The following ADGRG2 variants were observed in gnomAD, a reference collection of about 807,000 sequenced individuals.
The protein encoded by ADGRG2 is G protein-coupled receptor 64.
A neutral mutation model predicts 74.1 loss-of-function variants in ADGRG2; 26 were observed. The ratio of observed to expected loss-of-function variants is 0.35; its 90% CI spans 0.26 to 0.49. The LOEUF is 0.49. Among genes scored for constraint, ADGRG2 ranks in the 20% least tolerant of loss-of-function variants. ADGRG2 has a pLI of 0.99. For synonymous variants in ADGRG2, 296 were observed against 295.2 expected (o/e 1.00, Z -0.03); for missense variants, 619 against 763.1 (o/e 0.81, Z 2.22).
chrX:19,075,445 C>A lies in ADGRG2; in HGVS notation c.-1-6610G>T, dbSNP rs951213387. 8.4e-5 allele frequency among the ~76,000 whole-genome samples: 9 copies of A among 107,645 alleles called. No homozygotes were observed. The Admixed American group carries it at 9.0e-4, about 11-fold the overall frequency. 93.5% of individuals were successfully genotyped at this position (107,645 alleles called of 115,157 possible). On this transcript the variant is annotated intron_variant, in intron 2 of 28. Coordinates refer to ENST00000379869, the MANE Select transcript of ADGRG2 (RefSeq NM_001079858.3). ...CAGCCTGCCTAACGAGGCGGAACCC[C>A]CGTCTCTACCAAAAATATATAGATT... is the stretch of plus-strand genomic sequence containing the variant.
chrX:19,107,255 T>C (rs2062317660), intron 1 of ADGRG2, among the ~76,000 whole-genome samples: 1 of 112,369 alleles, frequency 8.9e-6, no homozygotes, highest in Non-Finnish European at 1.9e-5. Context: ...GTTTTGCATG[T>C]TGGCATTTGA....
At chrX:19,094,986 C>A (rs190207974) in intron 1 of ADGRG2, among the ~76,000 whole-genome samples, 4 of 111,981 alleles carry the variant, frequency 3.6e-5, no homozygotes, top group Non-Finnish European at 7.5e-5. Context: ...CCAAGAGACC[C>A]GGCAAACAGC....
At chrX:19,033,871 T>A (rs2060878886) in intron 7 of ADGRG2, 1 of 293,211 alleles carries the variant, frequency 3.4e-6, no homozygotes, top group Non-Finnish European at 5.9e-6. Context: ...GAGTTCCATG[T>A]TTACGCAGTT....
chrX:19,064,362 C>T (rs1602038791), intron 3 of ADGRG2, among the ~76,000 whole-genome samples: 1 of 112,690 alleles, frequency 8.9e-6, no homozygotes. Context: ...TGTTCTCATG[C>T]GTCATAGTCA....
At chrX:19,047,520 A>C (rs2061218533) in intron 3 of ADGRG2, among the ~76,000 whole-genome samples, 1 of 112,263 alleles carries the variant, frequency 8.9e-6, no homozygotes, top group Non-Finnish European at 1.9e-5. Flanking sequence ...ATTTACTTCC[A>C]CCACATTCTT....
intron 3 of ADGRG2, among the ~76,000 whole-genome samples, chrX:19,065,261 C>CAAA (rs749063279): frequency 9.0e-5 from 1 of 11,126 alleles, no homozygotes; most frequent in Non-Finnish European, 1.8e-4. Flanking sequence ...GATCCTGTCT[C>CAAA]AAAAAAAAAA....
At chrX:19,116,466 G>A (rs763248966) in intron 1 of ADGRG2, among the ~76,000 whole-genome samples, 17 of 93,824 alleles carry the variant, frequency 1.8e-4, no homozygotes, top group Middle Eastern at 5.8e-3. Context: ...AGCCAAGATC[G>A]CGCCACTGCA....
At chrX:19,098,924 C>T (rs1171082490) in intron 1 of ADGRG2, among the ~76,000 whole-genome samples, 1 of 112,591 alleles carries the variant, frequency 8.9e-6, no homozygotes, top group African/African-American at 3.2e-5. Context: ...GTAGCTCATG[C>T]CTATAATCCC....
chrX:19,078,543 C>G (rs983233061), intron 2 of ADGRG2, among the ~76,000 whole-genome samples: 1 of 110,728 alleles, frequency 9.0e-6, no homozygotes, highest in African/African-American at 3.3e-5. Context: ...GGCAACAGAG[C>G]AAGACCTTGT....
Position 19,040,180 on chromosome X carries a change from AC to A in ADGRG2, c.154+8del. ...TGAAATTCCCCAGAGTTCTAAAAAA[AC>A]AACTTACCAGGTGGTGGTGACAAAC... On this transcript the variant is annotated splice_region_variant and intron_variant, in intron 4 of 28. Transcript: ENST00000379869. 1.8e-6 allele frequency: 2 copies of A among 1,127,651 alleles called. No homozygotes were observed. The highest frequency in any genetic ancestry group is 1.2e-6 in the Non-Finnish European group (1 of 821,939). 92.9% of individuals were successfully genotyped at this position (1,127,651 alleles called of 1,213,427 possible). A position where few individuals can be genotyped will look rare whatever the true frequency, so the allele number is the denominator to read the frequency against.
chrX:19,107,142 A>T (rs1406363394), intron 1 of ADGRG2, among the ~76,000 whole-genome samples: 1 of 111,788 alleles, frequency 8.9e-6, no homozygotes, highest in Admixed American at 9.5e-5. Flanking sequence ...CCCCCGCCCC[A>T]ACAGCAGCAT....
chrX:19,050,402 T>C (rs2061296001), intron 3 of ADGRG2, among the ~76,000 whole-genome samples: 1 of 111,736 alleles, frequency 8.9e-6, no homozygotes, highest in African/African-American at 3.2e-5. Flanking sequence ...CAGACAGAAG[T>C]CTGCGAGCAT....
chrX:19,113,030 G>A (rs2062443762), intron 1 of ADGRG2, among the ~76,000 whole-genome samples: 1 of 104,889 alleles, frequency 9.5e-6, no homozygotes, highest in Non-Finnish European at 1.9e-5. Flanking sequence ...ACAAAGAAAG[G>A]CAATAGAAGT....
In ADGRG2 at chrX:19,064,542, T is replaced by C. The variant is rs769702895; in HGVS notation, c.118+4175A>G. ...AAACCAGGCCTGAGCCATCCTGAAC[T>C]AAAAGAACCCCTGCCCCAGTCCAAA... On this transcript the variant is annotated intron_variant, in intron 3 of 28. Transcript: ENST00000379869. Among the ~76,000 whole-genome samples the C allele has an allele frequency of 1.0e-3, 116 of 111,975 alleles. 5 individuals carry two copies. The highest frequency in any genetic ancestry group is 4.6e-3 in the Middle Eastern group (1 of 218).
chrX:19,050,060 C>T (rs2061288417), intron 3 of ADGRG2, among the ~76,000 whole-genome samples: 1 of 111,404 alleles, frequency 9.0e-6, no homozygotes, highest in Admixed American at 9.6e-5. Flanking sequence ...TTTAGGTTCT[C>T]TGGGTCGCAG....
At chrX:19,014,197 C>T in intron 15 of ADGRG2, 123 bp from the exon 16 acceptor site, 2 of 531,870 alleles carry the variant, frequency 3.8e-6, no homozygotes, top group South Asian at 6.6e-5. Context: ...GGACATGACA[C>T]TTCCAGCCTC....
Position 19,023,433 on chromosome X carries a change from A to G in ADGRG2, c.531T>C (p.Ala177=), listed in dbSNP as rs200324816. The G allele has an allele frequency of 6.4e-4, 710 of 1,105,168 alleles. No homozygotes were observed. Among genetic ancestry groups the G allele is most frequent in the Non-Finnish European group, 6.8e-4 (551 of 810,854 alleles). The allele number at this position is 1,105,168 out of a possible 1,213,427, so 91.1% of individuals were successfully genotyped here. Residue 177 remains alanine, a synonymous_variant, in exon 13 of 29, where the codon GCT becomes GCC. Transcript: ENST00000379869. The part of the protein sequence containing the change: ...TLSETYFIMC[A]TAEAQSTLNC... ...TGACTGACCTTTGGGCCTCTGCTGTAGCACACATTATAAAGTAAGTCTGAA... is the reference window on the plus strand; with the variant it reads ...TGACTGACCTTTGGGCCTCTGCTGTGGCACACATTATAAAGTAAGTCTGAA...
In ADGRG2 at chrX:18,991,014, A is replaced by G; in HGVS notation, c.2904T>C (p.Phe968=). The part of the protein sequence containing the change: ...NASTERNGVS[F]SVQNGDVCLH... Reference sequence around the variant, plus strand: ...GGCACACATCTCCATTCTGAACACTAAAAGAGACCCCATTCCTCTCTGTAG... The same window carrying G: ...GGCACACATCTCCATTCTGAACACTGAAAGAGACCCCATTCCTCTCTGTAG... Residue 968 remains phenylalanine (F), a synonymous_variant, in exon 29 of 29, where the codon TTT becomes TTC. Coordinates refer to ENST00000379869, the MANE Select transcript of ADGRG2 (RefSeq NM_001079858.3). 1.7e-6 allele frequency: 2 copies of G among 1,198,923 alleles called. No individual in the cohort carries two copies. The highest frequency in any genetic ancestry group is 1.8e-5 in the South Asian group (1 of 55,215).
chrX:19,006,634 G>C (rs1208594095), intron 20 of ADGRG2, among the ~76,000 whole-genome samples: 1 of 110,624 alleles, frequency 9.0e-6, no homozygotes, highest in Non-Finnish European at 1.9e-5. Flanking sequence ...ATGATGCTTA[G>C]TGTGAACTGA....
Sources: allele counts gnomAD v4.1 joint callset (sites outside exome capture counted in the v4.1 genomes callset), GRCh38; gene constraint gnomAD v4.1.1; transcripts MANE v1.5; gene names NCBI Gene and HGNC (gene_info 2026-07-23, HGNC 2026-07-21).